BRF1: variants seen among roughly 807,000 people sequenced by gnomAD.
BRF1 encodes the protein BRF1 general transcription factor IIIB subunit.
A neutral mutation model predicts 81.7 loss-of-function variants in BRF1; 59 were observed. That is an observed-to-expected ratio of 0.72 (90% confidence interval 0.59 to 0.90). BRF1 has a LOEUF of 0.90. Among genes scored for constraint, BRF1 ranks in the 40% least tolerant of loss-of-function variants. BRF1 has a pLI of 0.00. For synonymous variants in BRF1, 491 were observed against 395.6 expected (o/e 1.24, Z -2.86); for missense variants, 1,050 against 936.3 (o/e 1.12, Z -1.58).
chr14:105,306,075 G>C (rs185825134), intron 1 of BRF1, among the ~76,000 whole-genome samples: 44 of 152,350 alleles, frequency 2.9e-4, no homozygotes, highest in African/African-American at 1.0e-3. Flanking sequence ...CAGAGAGCTG[G>C]AAAGTAATGT....
chr14:105,209,935 TG>T lies in BRF1; in HGVS notation c.*615del. On this transcript the variant is annotated 3_prime_UTR_variant, in exon 18 of 18. Transcript: ENST00000547530. The stretch of plus-strand genomic sequence containing the variant: ...GAGGGGGGTCTGGAGGAGGCAGGGG[TG>T]GGGGTGTCTGCCTCGGACGAGGCAG... The T allele has an allele frequency of 2.9e-6, 1 of 345,964 alleles. No homozygotes were observed. Among genetic ancestry groups the T allele is most frequent in the Non-Finnish European group, 5.2e-6 (1 of 193,706 alleles). 21.4% of individuals were successfully genotyped at this position (345,964 alleles called of 1,614,324 possible). A position where few individuals can be genotyped will look rare whatever the true frequency, so the allele number is the denominator to read the frequency against.
At chr14:105,295,854 G>GT (rs751882990) in intron 1 of BRF1, among the ~76,000 whole-genome samples, 148 of 151,608 alleles carry the variant, frequency 9.8e-4, no homozygotes, top group Non-Finnish European at 1.8e-3. Context: ...CAAGGCAGGT[G>GT]TATCACTTGA....
At chr14:105,247,139 G>A in intron 5 of BRF1, 2 of 985,470 alleles carry the variant, frequency 2.0e-6, no homozygotes, top group Non-Finnish European at 2.4e-6. Flanking sequence ...CTTTGCCAGT[G>A]GGGTCCCACA....
Position 105,221,645 on chromosome 14 carries a change from C to T in BRF1, c.1315+3G>A. ...CGTCCCCCAGGGCCCCATCAGAACT[C>T]ACTGGGGTCGCTGCTCTGAGAGGAG... On this transcript the variant is annotated splice_donor_region_variant and intron_variant, in intron 11 of 17. Transcript: ENST00000547530. The T allele has an allele frequency of 3.7e-6, 6 of 1,609,360 alleles. No individual in the cohort carries two copies. Among genetic ancestry groups the T allele is most frequent in the Non-Finnish European group, 4.2e-6 (5 of 1,179,366 alleles).
chr14:105,228,433 A>C lies in BRF1; in HGVS notation c.788+387T>G, dbSNP rs587663693. Among the ~76,000 whole-genome samples, 68 of 151,778 alleles carry C rather than the reference A, an allele frequency of 4.5e-4. 1 individual carries two copies. In the South Asian group the frequency reaches 0.014, roughly 30 times the overall value. On this transcript the variant is annotated intron_variant, in intron 7 of 17. Coordinates refer to ENST00000547530, the MANE Select transcript of BRF1 (RefSeq NM_001519.4). Reference sequence around the variant, plus strand: ...GTGGCACACGCCTGTAATCCCAGCTACTCAGGAGGCTGAGGCAGGAGAATC... The same window carrying C: ...GTGGCACACGCCTGTAATCCCAGCTCCTCAGGAGGCTGAGGCAGGAGAATC...
At chr14:105,301,574 A>C (rs1029280327), upstream of BRF1, among the ~76,000 whole-genome samples, 9 of 151,970 alleles carry the variant, frequency 5.9e-5, no homozygotes, top group African/African-American at 1.9e-4. Flanking sequence ...GCCAGGGGCC[A>C]CCCTGCCCCG....
intron 5 of BRF1, among the ~76,000 whole-genome samples, chr14:105,243,341 T>C (rs1595359645): frequency 6.6e-6 from 1 of 150,630 alleles, no homozygotes; most frequent in African/African-American, 2.4e-5. Flanking sequence ...TCCCAGATAC[T>C]TGAAAGGCTG....
rs10144533 is a variant in BRF1, at chr14:105,284,934, A to G, written c.265+1362T>C. 0.034 allele frequency among the ~76,000 whole-genome samples: 5,249 copies of G among 152,310 alleles called. 303 individuals are homozygous for G. Among genetic ancestry groups the G allele is most frequent in the African/African-American group, 0.12 (5,031 of 41,544 alleles). On this transcript the variant is annotated intron_variant, in intron 2 of 17. Coordinates refer to ENST00000547530, the MANE Select transcript of BRF1 (RefSeq NM_001519.4). The surrounding 1 kb of genome is among the most constrained non-coding windows in gnomAD (Gnocchi z 4.0). The stretch of plus-strand genomic sequence containing the variant: ...AGGCTGCAAGATACAAGATCAATAC[A>G]TATCAACTGAGACTAAATTCGACAA...
At chr14:105,257,913 G>A (rs1386903318) in intron 3 of BRF1, among the ~76,000 whole-genome samples, 2 of 152,180 alleles carry the variant, frequency 1.3e-5, no homozygotes, top group African/African-American at 4.8e-5. Context: ...GGGCCGAGAG[G>A]AGGGTTCCAG....
chr14:105,215,954 CACACACACACAT>C (rs1312087842), intron 15 of BRF1, among the ~76,000 whole-genome samples: 5 of 143,804 alleles, frequency 3.5e-5, no homozygotes, highest in Non-Finnish European at 7.5e-5. Flanking sequence ...CAGACACAGG[CACACACACACAT>C]GCACACACAC....
intron 3 of BRF1, among the ~76,000 whole-genome samples, chr14:105,268,209 A>T (rs1214428835): frequency 6.6e-6 from 1 of 152,274 alleles, no homozygotes; most frequent in African/African-American, 2.4e-5. Context: ...TGCAATAACA[A>T]GTCGAGACAC....
At position 105,284,258 on chromosome 14, in the gene BRF1, C is replaced by T. The variant is rs975017081; in HGVS notation, c.265+2038G>A. Among the ~76,000 whole-genome samples the T allele has an allele frequency of 1.3e-5, 2 of 152,074 alleles. No individual in the cohort carries two copies. Among genetic ancestry groups the T allele is most frequent in the African/African-American group, 2.4e-5 (1 of 41,408 alleles). On this transcript the variant is annotated intron_variant, in intron 2 of 17. Coordinates refer to ENST00000547530, the MANE Select transcript of BRF1 (RefSeq NM_001519.4). The surrounding 1 kb of genome is among the most constrained non-coding windows in gnomAD (Gnocchi z 4.0). The stretch of plus-strand genomic sequence containing the variant: ...GCTCTCTACTGCAGAAGAATCACAC[C>T]GGCAGTCAGGAAGAAAGGCGCTGAC...
rs1378735818 is a variant in BRF1 at position 105,211,822 on chromosome 14, T to TA, written c.1824+290dup. 11 of 506,418 alleles carry TA rather than the reference T, an allele frequency of 2.2e-5. No individual in the cohort carries two copies. The East Asian group carries it at 3.9e-4, about 18-fold the overall frequency. The allele number at this position is 506,418 out of a possible 1,614,324, so 31.4% of individuals were successfully genotyped here. ...GACCTGGCAGTGCCTGCTTCCTACA[T>TA]ACAGGCTCCCTGCAGGCACCAGGCC... On this transcript the variant is annotated intron_variant, in intron 16 of 17. Transcript: ENST00000547530.
At chr14:105,279,333 T>C (rs2056974815) in intron 2 of BRF1, among the ~76,000 whole-genome samples, 1 of 152,076 alleles carries the variant, frequency 6.6e-6, no homozygotes, top group South Asian at 2.1e-4. Context: ...GAATCCAGAA[T>C]ATATAAAGAA....
At chr14:105,304,772 T>C (rs2058135086), upstream of BRF1, among the ~76,000 whole-genome samples, 1 of 152,220 alleles carries the variant, frequency 6.6e-6, no homozygotes, top group South Asian at 2.1e-4. Context: ...GCAAGTCACG[T>C]CTTACGTGGA....
In BRF1 at chr14:105,209,323, A is replaced by T; in HGVS notation, c.*1228T>A. The T allele has an allele frequency of 1.8e-6, 1 of 549,818 alleles. No homozygotes were observed. Among genetic ancestry groups the T allele is most frequent in the Non-Finnish European group, 3.2e-6 (1 of 307,884 alleles). 34.1% of individuals were successfully genotyped at this position (549,818 alleles called of 1,614,324 possible). On this transcript the variant is annotated 3_prime_UTR_variant, in exon 18 of 18. Coordinates refer to ENST00000547530, the MANE Select transcript of BRF1 (RefSeq NM_001519.4). ...AACAACAGATCTTCCTGCTTTACTA[A>T]ATCTATTCTTCCCCCAAGCCCTCGA...
intron 5 of BRF1, chr14:105,249,131 C>G (rs1361335937): frequency 1.9e-6 from 3 of 1,546,510 alleles, no homozygotes; most frequent in East Asian, 2.4e-5. Flanking sequence ...CGCCCACGCC[C>G]CCAGCCCGTG....
chr14:105,291,733 C>T (rs587608942), intron 1 of BRF1, among the ~76,000 whole-genome samples: 1 of 152,084 alleles, frequency 6.6e-6, no homozygotes, highest in South Asian at 2.1e-4. Context: ...CGTGGTGGCT[C>T]ACGCCTGTAA....
chr14:105,249,025 T>C, intron 5 of BRF1: 1 of 1,164,672 alleles, frequency 8.6e-7, no homozygotes, highest in Non-Finnish European at 1.1e-6. Context: ...CCGCCCACAC[T>C]CGGCAACAAC....
Sources: allele counts gnomAD v4.1 joint callset (sites outside exome capture counted in the v4.1 genomes callset), GRCh38; gene constraint gnomAD v4.1.1; non-coding constraint Gnocchi (gnomAD v3.1); transcripts MANE v1.5; gene names NCBI Gene and HGNC (gene_info 2026-07-23, HGNC 2026-07-21).